Variants in SLC8A1 observed in about 807,000 individuals in gnomAD.
SLC8A1 encodes sodium/calcium exchanger 1.
A neutral mutation model predicts 68.3 loss-of-function variants in SLC8A1; 18 were observed. The ratio of observed to expected loss-of-function variants is 0.26; its 90% confidence interval spans 0.18 to 0.39. The LOEUF (loss-of-function observed/expected upper bound fraction) is 0.39, where lower values mean the gene tolerates loss of function less well. Among genes scored for constraint, SLC8A1 ranks in the 10% least tolerant of loss-of-function variants. The pLI is 1.00. For missense variants in SLC8A1, 985 were observed against 1,156.7 expected (o/e 0.85, Z 2.15); for synonymous variants, 475 against 415.5 (o/e 1.14, Z -1.74).
At chr2:40,296,581 A>T (rs1286022078) in intron 2 of SLC8A1, among the ~76,000 whole-genome samples, 1 of 152,160 alleles carries the variant, frequency 6.6e-6, no homozygotes, top group Non-Finnish European at 1.5e-5. Flanking sequence ...GATTATTTTT[A>T]AATTTTTCTT....
At chr2:40,154,890 C>G (rs1347213019) in intron 6 of SLC8A1, among the ~76,000 whole-genome samples, 2 of 152,044 alleles carry the variant, frequency 1.3e-5, no homozygotes, top group African/African-American at 4.8e-5. Flanking sequence ...GTTTTGAACT[C>G]CTTGGCTCAA....
At chr2:40,236,093 A>C (rs902946686) in intron 2 of SLC8A1, among the ~76,000 whole-genome samples, 4 of 152,100 alleles carry the variant, frequency 2.6e-5, no homozygotes, top group African/African-American at 4.8e-5. Context: ...TGGGGTGGAC[A>C]GTTCTGTAGA....
At chr2:40,501,839 T>A (rs1379278828) in intron 1 of SLC8A1, among the ~76,000 whole-genome samples, 2 of 152,098 alleles carry the variant, frequency 1.3e-5, no homozygotes, top group Non-Finnish European at 2.9e-5. Flanking sequence ...GTCATCTCCC[T>A]GTGGATGCAG....
At chr2:40,326,482 G>C (rs1258584215) in intron 2 of SLC8A1, among the ~76,000 whole-genome samples, 1 of 152,032 alleles carries the variant, frequency 6.6e-6, no homozygotes, top group East Asian at 1.9e-4. Flanking sequence ...GAACATCAGA[G>C]AGTTATCTTA....
intron 2 of SLC8A1, among the ~76,000 whole-genome samples, chr2:40,367,528 C>G (rs552942271): frequency 5.9e-5 from 9 of 151,886 alleles, no homozygotes; most frequent in Non-Finnish European, 1.3e-4. Flanking sequence ...CACAATGTAC[C>G]AAACTATACA....
intron 7 of SLC8A1, among the ~76,000 whole-genome samples, chr2:40,131,812 C>G (rs1211359299): frequency 7.0e-6 from 1 of 143,080 alleles, no homozygotes; most frequent in Non-Finnish European, 1.5e-5. Context: ...TGTTCAGATT[C>G]ATTAGTGGCA....
At chr2:40,255,259 A>C (rs974180822) in intron 2 of SLC8A1, 1 of 151,984 alleles carries the variant, frequency 6.6e-6, no homozygotes, top group Non-Finnish European at 1.5e-5. Context: ...GGAAATGATG[A>C]TATCCTTACC....
intron 2 of SLC8A1, among the ~76,000 whole-genome samples, chr2:40,221,297 T>G (rs575377441): frequency 2.6e-5 from 4 of 152,138 alleles, no homozygotes; most frequent in Non-Finnish European, 4.4e-5. Flanking sequence ...ATTATCTCAA[T>G]AGATGCAGAA....
intron 1 of SLC8A1, among the ~76,000 whole-genome samples, chr2:40,465,585 A>G (rs1012727647): frequency 1.3e-5 from 2 of 152,156 alleles, no homozygotes; most frequent in South Asian, 4.1e-4. Flanking sequence ...TTTATACATT[A>G]AGTAACGTAT....
chr2:40,337,523 T>C (rs1666362306), intron 2 of SLC8A1, among the ~76,000 whole-genome samples: 1 of 152,162 alleles, frequency 6.6e-6, no homozygotes, highest in Non-Finnish European at 1.5e-5. Context: ...AGCAATGCAA[T>C]GGTAGTTAGC....
At chr2:40,334,706 T>C (rs1665374357) in intron 2 of SLC8A1, among the ~76,000 whole-genome samples, 1 of 152,166 alleles carries the variant, frequency 6.6e-6, no homozygotes, top group South Asian at 2.1e-4. Context: ...ATGGCAAAAT[T>C]ATCAGATCAT....
intron 2 of SLC8A1, among the ~76,000 whole-genome samples, chr2:40,234,927 G>T (rs1312428306): frequency 1.3e-5 from 2 of 152,110 alleles, no homozygotes; most frequent in African/African-American, 4.8e-5. Context: ...TATTGAACCA[G>T]CCTTGCATCC....
rs760173611 is a variant in SLC8A1 at position 40,164,863 on chromosome 2, A to G, written c.2052T>C (p.Tyr684=). Reference sequence around the variant, plus strand: ...GTGTTGGTGAGCATACCTTGAATTCATAGGATTCTTCAATGATCACTTCCA... The same window carrying G: ...GTGTTGGTGAGCATACCTTGAATTCGTAGGATTCTTCAATGATCACTTCCA... The change falls in exon 5 of 8, where the codon TAT becomes TAC. Residue 684 remains tyrosine, a synonymous_variant. Coordinates refer to ENST00000406785, the Ensembl canonical transcript of SLC8A1. The G allele has an allele frequency of 1.4e-5, 22 of 1,613,778 alleles. No individual in the cohort carries two copies. In the South Asian group the frequency reaches 2.0e-4, roughly 14 times the overall value.
intron 2 of SLC8A1, among the ~76,000 whole-genome samples, chr2:40,205,026 T>G (rs2055125642): frequency 6.6e-6 from 1 of 151,966 alleles, no homozygotes; most frequent in Admixed American, 6.6e-5. Context: ...TTTTCATACG[T>G]GCATATCAGC....
At chr2:40,208,592 G>A (rs1396897277) in intron 2 of SLC8A1, 2 of 152,102 alleles carry the variant, frequency 1.3e-5, no homozygotes, top group Non-Finnish European at 2.9e-5. Context: ...AATACTTGGA[G>A]GTAAAATTAT....
intron 2 of SLC8A1, among the ~76,000 whole-genome samples, chr2:40,373,532 T>G (rs1360998532): frequency 6.6e-6 from 1 of 152,032 alleles, no homozygotes; most frequent in African/African-American, 2.4e-5. Flanking sequence ...AGCTCTTGAG[T>G]ATCTATTTTA....
intron 1 of SLC8A1, among the ~76,000 whole-genome samples, chr2:40,432,909 A>G (rs1459253292): frequency 6.6e-6 from 1 of 152,154 alleles, no homozygotes; most frequent in African/African-American, 2.4e-5. Context: ...TGGCAGGTAT[A>G]CAAAATGGTA....
intron 1 of SLC8A1, among the ~76,000 whole-genome samples, chr2:40,447,588 T>TAAAAAAAAAAAAAAAAAAA (rs139695930): frequency 7.2e-6 from 1 of 139,254 alleles, no homozygotes; most frequent in African/African-American, 2.6e-5. Context: ...CAATCCAAGT[T>TAAAAAAAAAAAAAAAAAAA]AAAAAAAAAA....
At chr2:40,119,880 G>A (rs997007271) in intron 7 of SLC8A1, among the ~76,000 whole-genome samples, 2 of 152,186 alleles carry the variant, frequency 1.3e-5, no homozygotes, top group African/African-American at 4.8e-5. Context: ...AAGGAAGACT[G>A]TTGAGGAGAC....
Sources: gnomAD v4.1 joint callset for allele counts (sites outside exome capture counted in the v4.1 genomes callset) on GRCh38, gnomAD v4.1.1 for gene constraint, MANE v1.5 for transcripts, NCBI Gene and HGNC (gene_info 2026-07-23, HGNC 2026-07-21) for gene names.